Variants in UNC80 observed in about 807,000 individuals in gnomAD.
UNC80 encodes the protein protein unc-80 homolog.
A neutral mutation model predicts 384.6 loss-of-function variants in UNC80; 164 were observed. That is an observed-to-expected ratio of 0.43 (90% CI 0.38 to 0.49). The LOEUF is 0.49. Ranked by LOEUF, UNC80 falls within the 20% of genes least tolerant of loss-of-function variation. The pLI is 0.00. For missense variants in UNC80, 3,330 were observed against 4,143.0 expected (o/e 0.80, Z 5.39); for synonymous variants, 1,486 against 1,527.8 (o/e 0.97, Z 0.64).
At chr2:209,968,139 C>G (rs2092788318) in intron 52 of UNC80, 1 of 153,732 alleles carries the variant, frequency 6.5e-6, no homozygotes, top group East Asian at 1.9e-4. Context: ...ACTTTTTTAC[C>G]TAATTCAGTG....
chr2:209,962,811 G>C (rs1488172131), intron 51 of UNC80, among the ~76,000 whole-genome samples: 2 of 152,110 alleles, frequency 1.3e-5, no homozygotes, highest in African/African-American at 4.8e-5. Context: ...TGTAATTAAG[G>C]CTCTCCTATA....
chr2:209,829,425 G>C (rs1345111432), intron 15 of UNC80, 46 bp downstream of exon 15: 1 of 1,546,396 alleles, frequency 6.5e-7, no homozygotes, highest in Admixed American at 2.0e-5. Flanking sequence ...GTTGTGAGGT[G>C]AATCAGGTAG....
chr2:209,813,628 C>G lies in UNC80; in HGVS notation c.987C>G (p.Tyr329Ter). ...GCCAAAGGTCCCGCTATGCCACCTA[C>G]TTTGACGTTGCTGTTCTGCGCTGCC... The part of the protein sequence containing the change: ...PPCQRSRYAT[Y>*]FDVAVLRCLL... Residue 329 changes from tyrosine to a stop codon, truncating the protein, a stop_gained, in exon 8 of 65, where the codon TAC (tyrosine) becomes TAG (stop). Coordinates refer to ENST00000673920, the MANE Select transcript of UNC80 (RefSeq NM_001371986.1). LOFTEE classifies it high-confidence loss of function. The G allele has an allele frequency of 6.4e-7, 1 of 1,551,890 alleles. No individual in the cohort carries two copies. The highest frequency in any genetic ancestry group is 8.7e-7 in the Non-Finnish European group (1 of 1,147,050).
intron 41 of UNC80, 89 bp downstream of exon 41, chr2:209,937,022 C>T: frequency 1.1e-6 from 1 of 901,818 alleles, no homozygotes; most frequent in Non-Finnish European, 1.8e-6. Flanking sequence ...GGAGGCATCG[C>T]TGTTTAGAAG....
At chr2:209,865,756 T>A (rs1339533759) in intron 22 of UNC80, among the ~76,000 whole-genome samples, 1 of 152,212 alleles carries the variant, frequency 6.6e-6, no homozygotes, top group African/African-American at 2.4e-5. Context: ...TGTTCACCAT[T>A]TTCCTTGCAT....
At chr2:209,776,411 G>A (rs530969515) in intron 3 of UNC80, among the ~76,000 whole-genome samples, 6 of 152,108 alleles carry the variant, frequency 3.9e-5, no homozygotes, top group Admixed American at 6.5e-5. Context: ...GTGAAACCCC[G>A]TTTCTACTAA....
At chr2:209,918,703 A>G in intron 33 of UNC80, 40 bp downstream of exon 33, 1 of 1,480,822 alleles carries the variant, frequency 6.8e-7, no homozygotes, top group Non-Finnish European at 9.1e-7. Context: ...GTGTACGTGT[A>G]AAAGAGAACA....
rs1460242588 is a variant in UNC80 at position 209,851,340 on chromosome 2, G to A, written c.3627+1717G>A. 3.3e-5 allele frequency among the ~76,000 whole-genome samples: 5 copies of A among 152,200 alleles called. No homozygotes were observed. The East Asian group carries it at 9.7e-4, about 29-fold the overall frequency. On this transcript the variant is annotated intron_variant, in intron 22 of 64. Transcript: ENST00000673920. ...GACTAACTGGTTAATAATGAGAGCA[G>A]TGATGGTGAGTGGAGCACTCCTCAG...
At position 209,817,099 on chromosome 2, in the gene UNC80, A is replaced by G; in HGVS notation, c.1526A>G (p.Lys509Arg). ...GLGEDRRGIE[K>R]GGWQTTILGK... Reference sequence around the variant, plus strand: ...GGAGAAGACAGGCGAGGAATTGAGAAAGGAGGCTGGCAAACCACCATTTTA... The same window carrying G: ...GGAGAAGACAGGCGAGGAATTGAGAGAGGAGGCTGGCAAACCACCATTTTA... The change falls in exon 10 of 65, where the codon AAA becomes AGA. Residue 509 changes from lysine to arginine, a missense_variant. Around this residue, in one of 8 missense-constraint regions of UNC80, gnomAD observed 937 missense variants for 1,026.8 expected, o/e 0.91. Transcript: ENST00000673920. 1 of 1,551,724 alleles carries G rather than the reference A, an allele frequency of 6.4e-7. No individual in the cohort carries two copies. The highest frequency in any genetic ancestry group is 1.4e-5 in the African/African-American group (1 of 73,148).
At chr2:209,925,671 T>A (rs1285301162) in intron 35 of UNC80, among the ~76,000 whole-genome samples, 1 of 152,186 alleles carries the variant, frequency 6.6e-6, no homozygotes, top group Non-Finnish European at 1.5e-5. Flanking sequence ...CACAGAGCAC[T>A]GACTGGTGCG....
intron 22 of UNC80, among the ~76,000 whole-genome samples, chr2:209,854,517 A>T (rs968086402): frequency 7.9e-5 from 12 of 152,162 alleles, no homozygotes; most frequent in African/African-American, 2.9e-4. Context: ...TGAACAGACA[A>T]CCTACTGAAT....
intron 7 of UNC80, among the ~76,000 whole-genome samples, chr2:209,802,930 G>C (rs1427595292): frequency 1.3e-5 from 2 of 152,144 alleles, no homozygotes; most frequent in African/African-American, 4.8e-5. Flanking sequence ...GCTGGTGACT[G>C]GTCTTAGTTT....
Position 209,967,608 on chromosome 2 carries a change from C to G in UNC80, c.7977C>G (p.Phe2659Leu). Residue 2659 changes from phenylalanine (F) to leucine (L), a missense_variant, in exon 52 of 65, where the codon TTC becomes TTG. Physicochemically the swap from Phe to Leu is conservative, Grantham distance 22. Transcript: ENST00000673920. ...ILILKRLDRM[F>L]NKIHKMPTLR... ...TTTTAAAAAGATTGGATAGAATGTTCAACAAAATTCATAAGATGCCTACTT... is the reference window on the plus strand; with the variant it reads ...TTTTAAAAAGATTGGATAGAATGTTGAACAAAATTCATAAGATGCCTACTT... 6.4e-7 allele frequency: 1 copy of G among 1,551,442 alleles called. No individual in the cohort carries two copies.
At chr2:209,782,935 C>G (rs1386184553) in intron 4 of UNC80, among the ~76,000 whole-genome samples, 2 of 150,180 alleles carry the variant, frequency 1.3e-5, no homozygotes, top group Non-Finnish European at 3.0e-5. Flanking sequence ...AAATTCTTAT[C>G]AAGTGCCTGC....
intron 7 of UNC80, among the ~76,000 whole-genome samples, chr2:209,811,788 G>T (rs1217957483): frequency 1.3e-5 from 2 of 152,110 alleles, no homozygotes; most frequent in African/African-American, 4.8e-5. Context: ...ACAGGCAATT[G>T]TACCTCAATC....
chr2:209,833,906 A>G, intron 16 of UNC80, 96 bp from the exon 17 acceptor site: 1 of 1,240,392 alleles, frequency 8.1e-7, no homozygotes, highest in Non-Finnish European at 1.1e-6. Flanking sequence ...ATGCTCATCT[A>G]AGCCTAAGGA....
chr2:209,906,431 T>C (rs989906167), intron 29 of UNC80, among the ~76,000 whole-genome samples: 1 of 152,206 alleles, frequency 6.6e-6, no homozygotes, highest in Non-Finnish European at 1.5e-5. Context: ...AGTAAGTACA[T>C]TTCATTGACA....
At position 209,959,773 on chromosome 2, in the gene UNC80, G is replaced by A; in HGVS notation, c.7805+66G>A. Reference sequence around the variant, plus strand: ...TTGGCCCATGTGTCTGAATGTGTGTGTTGGGTTGAGAGTGGGGGTTCTCCA... The same window carrying A: ...TTGGCCCATGTGTCTGAATGTGTGTATTGGGTTGAGAGTGGGGGTTCTCCA... On this transcript the variant is annotated intron_variant, in intron 51 of 64. Transcript: ENST00000673920. 2.1e-6 allele frequency: 3 copies of A among 1,443,440 alleles called. No homozygotes were observed. In the South Asian group the frequency reaches 4.0e-5, roughly 19 times the overall value. 89.4% of individuals were successfully genotyped at this position (1,443,440 alleles called of 1,614,324 possible). A position where few individuals can be genotyped will look rare whatever the true frequency, so the allele number is the denominator to read the frequency against.
intron 7 of UNC80, among the ~76,000 whole-genome samples, chr2:209,806,632 CAGAAA>C (rs2078918065): frequency 1.3e-5 from 2 of 152,182 alleles, no homozygotes; most frequent in African/African-American, 4.8e-5. Flanking sequence ...ATGCATTAAT[CAGAAA>C]AGAAGAGAAC....
Sources: gnomAD v4.1 joint callset for allele counts (sites outside exome capture counted in the v4.1 genomes callset) on GRCh38, gnomAD v4.1.1 for gene constraint, gnomAD v4.1.1 regional missense constraint, MANE v1.5 for transcripts, NCBI Gene and HGNC (gene_info 2026-07-23, HGNC 2026-07-21) for gene names.